The following MEMO1 variants were observed in gnomAD, a reference collection of about 807,000 sequenced individuals.
The protein encoded by MEMO1 is mediator of cell motility 1, also known as protein MEMO1.
MEMO1 carries 6 observed loss-of-function variants against 45.2 expected under a neutral mutation model. That is an observed-to-expected ratio of 0.13 (90% CI 0.07 to 0.26). The LOEUF is 0.26. Ranked by LOEUF, MEMO1 falls within the 10% of genes least tolerant of loss-of-function variation. The pLI is 1.00. For synonymous variants in MEMO1, 78 were observed against 124.3 expected (o/e 0.63, Z 2.48); for missense variants, 184 against 370.5 (o/e 0.50, Z 4.13).
chr2:31,953,514 G>A (rs1301250379), intron 2 of MEMO1, among the ~76,000 whole-genome samples: 1 of 150,892 alleles, frequency 6.6e-6, no homozygotes, highest in South Asian at 2.1e-4. Flanking sequence ...GGAGTGCAGA[G>A]GCACGATCTT....
At chr2:32,007,242 G>T (rs569014593) in intron 2 of MEMO1, among the ~76,000 whole-genome samples, 1 of 152,104 alleles carries the variant, frequency 6.6e-6, no homozygotes, top group South Asian at 2.1e-4. Context: ...ATCTGTGTGG[G>T]GTTTCCCAAT....
At chr2:31,958,234 C>T (rs1667622581) in intron 2 of MEMO1, among the ~76,000 whole-genome samples, 1 of 152,080 alleles carries the variant, frequency 6.6e-6, no homozygotes, top group African/African-American at 2.4e-5. Flanking sequence ...TGTGTATCCA[C>T]TCTGCCAAAC....
chr2:31,986,541 T>C (rs1001497547), intron 2 of MEMO1, among the ~76,000 whole-genome samples: 1 of 152,212 alleles, frequency 6.6e-6, no homozygotes, highest in Admixed American at 6.5e-5. Context: ...AAAATAATTT[T>C]CTTTCATATA....
chr2:31,907,955 A>T (rs537628194), intron 6 of MEMO1, among the ~76,000 whole-genome samples: 1 of 152,334 alleles, frequency 6.6e-6, no homozygotes, highest in Non-Finnish European at 1.5e-5. Flanking sequence ...GTTAAGAGAG[A>T]CATCAGAAAA....
chr2:31,894,423 T>C (rs575417601), intron 6 of MEMO1, among the ~76,000 whole-genome samples: 6 of 152,332 alleles, frequency 3.9e-5, no homozygotes, highest in South Asian at 4.1e-4. Flanking sequence ...TAGTCCGAGA[T>C]TGCTGTTGTT....
At chr2:32,010,536 T>C (rs1674763248) in intron 1 of MEMO1, 1 of 250,754 alleles carries the variant, frequency 4.0e-6, no homozygotes. Context: ...CGGAAAGCCC[T>C]GGCCCCGGCC....
Position 32,009,473 on chromosome 2 carries a change from C to T in MEMO1, c.61+714G>A, listed in dbSNP as rs1674529325. ...TCTGACAGATCTCCCCATGCAGAGA[C>T]CTCGTCTGTAGTCTGGTAACGTAAA... On this transcript the variant is annotated intron_variant, in intron 2 of 9. Coordinates refer to ENST00000404530, the MANE Select transcript of MEMO1 (RefSeq NM_001301833.4). Among the ~76,000 whole-genome samples, 3 of 152,040 alleles carry T rather than the reference C, an allele frequency of 2.0e-5. No individual in the cohort carries two copies. In the South Asian group the frequency reaches 6.2e-4, roughly 32 times the overall value.
At chr2:32,009,668 C>A (rs1295179749) in intron 2 of MEMO1, among the ~76,000 whole-genome samples, 1 of 152,074 alleles carries the variant, frequency 6.6e-6, no homozygotes, top group Non-Finnish European at 1.5e-5. Flanking sequence ...GAGGGCACTC[C>A]CCGGACCGCC....
chr2:31,955,445 T>C (rs1209304765), intron 2 of MEMO1, among the ~76,000 whole-genome samples: 1 of 152,106 alleles, frequency 6.6e-6, no homozygotes, highest in African/African-American at 2.4e-5. Flanking sequence ...AATTAATTCC[T>C]CTCCAGCTTT....
At chr2:31,963,184 T>C (rs1668227646) in intron 2 of MEMO1, 3 of 1,544,574 alleles carry the variant, frequency 1.9e-6, no homozygotes, top group African/African-American at 1.4e-5. Context: ...TCAGCTCTCC[T>C]GGGTCTCCAG....
intron 2 of MEMO1, among the ~76,000 whole-genome samples, chr2:32,009,528 AGCGGAGCCCCTTAAAGGT>A (rs1212104891): frequency 6.6e-6 from 1 of 152,196 alleles, no homozygotes; most frequent in Non-Finnish European, 1.5e-5. Context: ...CCTGCAAGAC[AGCGGAGCCCCTTAAAGGT>A]GCGGGGAAAC....
intron 3 of MEMO1, among the ~76,000 whole-genome samples, chr2:31,940,372 C>T (rs1665465851): frequency 6.6e-6 from 1 of 152,094 alleles, no homozygotes; most frequent in Admixed American, 6.6e-5. Context: ...TAATAAGCAC[C>T]TCAACATTAA....
chr2:31,949,451 T>G (rs1216311221), intron 2 of MEMO1, among the ~76,000 whole-genome samples: 2 of 151,828 alleles, frequency 1.3e-5, no homozygotes, highest in African/African-American at 4.8e-5. Flanking sequence ...TGCAATAACA[T>G]GGATAGAATT....
At chr2:31,969,777 CT>C (rs35837397) in intron 2 of MEMO1, among the ~76,000 whole-genome samples, 18,638 of 143,236 alleles carry the variant, frequency 0.13, 1,218 homozygotes, top group Middle Eastern at 0.21. Context: ...ACCCAACTAA[CT>C]TTTTTTTTTT....
At chr2:31,931,756 G>A (rs1274148405) in intron 4 of MEMO1, among the ~76,000 whole-genome samples, 2 of 151,874 alleles carry the variant, frequency 1.3e-5, no homozygotes, top group Non-Finnish European at 2.9e-5. Context: ...CAGATCAGAG[G>A]GCTTTGCATT....
intron 2 of MEMO1, among the ~76,000 whole-genome samples, chr2:31,969,193 T>A (rs1668981628): frequency 6.6e-6 from 1 of 151,712 alleles, no homozygotes; most frequent in South Asian, 2.1e-4. Context: ...GCAGGATTCC[T>A]AATCTCCAAT....
intron 2 of MEMO1, among the ~76,000 whole-genome samples, chr2:31,973,194 C>T (rs1258004508): frequency 1.3e-5 from 2 of 152,206 alleles, no homozygotes; most frequent in East Asian, 1.9e-4. Context: ...TGGCTCATGC[C>T]TGTAATCCCA....
intron 1 of MEMO1, chr2:32,010,679 C>A (rs1674797950): frequency 6.7e-6 from 1 of 149,126 alleles, no homozygotes; most frequent in African/African-American, 2.5e-5. Flanking sequence ...CGCCCCCGCC[C>A]CCCACCCCCC....
rs1682249742 is a variant in MEMO1, at chr2:31,921,038, G to A, written c.213-128C>T. 3 of 605,696 alleles carry A rather than the reference G, an allele frequency of 5.0e-6. No homozygotes were observed. The South Asian group carries it at 5.9e-5, about 12-fold the overall frequency. 37.5% of individuals were successfully genotyped at this position (605,696 alleles called of 1,614,324 possible). On this transcript the variant is annotated intron_variant, in intron 4 of 9. Transcript: ENST00000404530. Reference sequence around the variant, plus strand: ...TCTTAATTACCAACTGTTAATGGCTGAACTGTGTTCCCCTCCAAAATTCAC... The same window carrying A: ...TCTTAATTACCAACTGTTAATGGCTAAACTGTGTTCCCCTCCAAAATTCAC...
Sources: gnomAD v4.1 joint callset for allele counts (sites outside exome capture counted in the v4.1 genomes callset) on GRCh38, gnomAD v4.1.1 for gene constraint, MANE v1.5 for transcripts, NCBI Gene and HGNC (gene_info 2026-07-23, HGNC 2026-07-21) for gene names.